Variants in SPMIP7 observed in about 807,000 individuals in gnomAD.
SPMIP7 encodes the protein protein SPMIP7.
At chr7:50,157,515 A>AAT in the SPMIP7 span, among the ~76,000 whole-genome samples, 1 of 152,244 alleles carries the variant, frequency 6.6e-6, no homozygotes, top group South Asian at 2.1e-4. Flanking sequence ...CACAACATAT[A>AAT]ATATACATAT....
chr7:50,147,439 A>G, the SPMIP7 span, among the ~76,000 whole-genome samples: 1 of 152,228 alleles, frequency 6.6e-6, no homozygotes, highest in Non-Finnish European at 1.5e-5. Context: ...GGACATGATC[A>G]TAGGACCTAT....
the SPMIP7 span, among the ~76,000 whole-genome samples, chr7:50,139,284 G>A: frequency 6.6e-6 from 1 of 151,086 alleles, no homozygotes; most frequent in African/African-American, 2.4e-5. Flanking sequence ...GGGAGACGGA[G>A]GTTACAGTGA....
the SPMIP7 span, among the ~76,000 whole-genome samples, chr7:50,145,612 G>GTA: frequency 0.03 from 1,116 of 36,768 alleles, 134 homozygotes; most frequent in South Asian, 0.039. Context: ...GTGTGTATAT[G>GTA]TGTGTGTATA....
At chr7:50,097,162 A>G in the SPMIP7 span, among the ~76,000 whole-genome samples, 3 of 152,218 alleles carry the variant, frequency 2.0e-5, 1 homozygote, top group South Asian at 2.1e-4. Context: ...TCTTACTGAC[A>G]TCTGCACCAT....
the SPMIP7 span, among the ~76,000 whole-genome samples, chr7:50,149,979 G>A: frequency 2.0e-5 from 3 of 152,112 alleles, no homozygotes; most frequent in African/African-American, 4.8e-5. Flanking sequence ...CCAGATCCCA[G>A]AGATGACATG....
At chr7:50,115,050 AG>A in the SPMIP7 span, among the ~76,000 whole-genome samples, 3 of 151,470 alleles carry the variant, frequency 2.0e-5, no homozygotes, top group African/African-American at 7.3e-5. Flanking sequence ...AAAAAAAATT[AG>A]TACCCTACTT....
chr7:50,102,093 G>A, the SPMIP7 span, among the ~76,000 whole-genome samples: 1 of 152,204 alleles, frequency 6.6e-6, no homozygotes, highest in Non-Finnish European at 1.5e-5. Context: ...GGAGGCCGAG[G>A]CAGGCGGATT....
At chr7:50,146,891 C>T in the SPMIP7 span, among the ~76,000 whole-genome samples, 2 of 152,214 alleles carry the variant, frequency 1.3e-5, no homozygotes, top group African/African-American at 2.4e-5. Flanking sequence ...CAGGCCTTTA[C>T]TTGCATCACA....
chr7:50,139,388 T>G, the SPMIP7 span, among the ~76,000 whole-genome samples: 2 of 152,064 alleles, frequency 1.3e-5, no homozygotes, highest in East Asian at 3.9e-4. Flanking sequence ...CTTGTTCATA[T>G]AGCAAGCTGA....
chr7:50,101,266 A>T, the SPMIP7 span, among the ~76,000 whole-genome samples: 1 of 152,222 alleles, frequency 6.6e-6, no homozygotes, highest in African/African-American at 2.4e-5. Flanking sequence ...TCAGAGTCTT[A>T]TCTGGGATCT....
chr7:50,157,747 G>A, the SPMIP7 span, among the ~76,000 whole-genome samples: 1 of 152,136 alleles, frequency 6.6e-6, no homozygotes, highest in Non-Finnish European at 1.5e-5. Context: ...AATTATTTCA[G>A]GCCACGGGCT....
At chr7:50,116,604 T>G in the SPMIP7 span, among the ~76,000 whole-genome samples, 1 of 152,164 alleles carries the variant, frequency 6.6e-6, no homozygotes, top group African/African-American at 2.4e-5. Flanking sequence ...AAAACCTAAA[T>G]AGACAGGGCA....
At chr7:50,131,550 A>G in the SPMIP7 span, among the ~76,000 whole-genome samples, 1 of 152,202 alleles carries the variant, frequency 6.6e-6, no homozygotes, top group Non-Finnish European at 1.5e-5. Flanking sequence ...AAGGTGAAGT[A>G]TAGTCATACA....
the SPMIP7 span, among the ~76,000 whole-genome samples, chr7:50,111,236 T>C: frequency 1.3e-5 from 2 of 151,794 alleles, no homozygotes; most frequent in African/African-American, 2.4e-5. Flanking sequence ...AGTGGTTGTT[T>C]AACAGGCAAA....
chr7:50,157,629 A>G, the SPMIP7 span, among the ~76,000 whole-genome samples: 1 of 152,194 alleles, frequency 6.6e-6, no homozygotes, highest in African/African-American at 2.4e-5. Context: ...TAGAGGGTTA[A>G]TTTTAATTAT....
At chr7:50,097,927 A>G in the SPMIP7 span, among the ~76,000 whole-genome samples, 2 of 152,190 alleles carry the variant, frequency 1.3e-5, no homozygotes, top group Non-Finnish European at 2.9e-5. Flanking sequence ...TTTCATTAAT[A>G]GTAGCTCTTA....
chr7:50,100,989 T>C, the SPMIP7 span, among the ~76,000 whole-genome samples: 1 of 152,192 alleles, frequency 6.6e-6, no homozygotes, highest in Non-Finnish European at 1.5e-5. Flanking sequence ...TGATTTTTAG[T>C]TTCTTTTCAT....
the SPMIP7 span, among the ~76,000 whole-genome samples, chr7:50,127,832 T>C: frequency 6.6e-6 from 1 of 151,806 alleles, no homozygotes; most frequent in East Asian, 1.9e-4. Flanking sequence ...GGTGAGGATA[T>C]GGAGGAAGGA....
At chr7:50,113,215 TG>T in the SPMIP7 span, among the ~76,000 whole-genome samples, 1 of 152,068 alleles carries the variant, frequency 6.6e-6, no homozygotes, top group Non-Finnish European at 1.5e-5. Context: ...CTTTATTTGC[TG>T]GAAAAAAAAT....
Sources: gnomAD v4.1 joint callset for allele counts (sites outside exome capture counted in the v4.1 genomes callset) on GRCh38, gnomAD v4.1.1 for gene constraint, MANE v1.5 for transcripts, NCBI Gene and HGNC (gene_info 2026-07-23, HGNC 2026-07-21) for gene names.